The following HMBOX1 variants were observed in gnomAD, a reference collection of about 807,000 sequenced individuals.
The protein encoded by HMBOX1 is homeobox-containing protein 1.
In HMBOX1, 14 loss-of-function variants were observed where a neutral mutation model predicts 54.5. That is an observed-to-expected ratio of 0.26 (90% CI 0.17 to 0.40). The LOEUF (loss-of-function observed/expected upper bound fraction) is 0.40. Among genes scored for constraint, HMBOX1 ranks in the 10% least tolerant of loss-of-function variants. The pLI is 1.00. For missense variants in HMBOX1, 332 were observed against 514.4 expected, an observed-to-expected ratio of 0.65 and a Z score of 3.43; for synonymous variants, 160 against 181.0, an observed-to-expected ratio of 0.88 and a Z score of 0.93.
intron 1 of HMBOX1, among the ~76,000 whole-genome samples, chr8:28,921,277 G>C (rs1279479185): frequency 6.6e-6 from 1 of 152,136 alleles, no homozygotes; most frequent in South Asian, 2.1e-4. Flanking sequence ...CAGAGGTTGC[G>C]GTGAGCTGAG....
chr8:28,929,338 T>C (rs1819073706), intron 1 of HMBOX1, among the ~76,000 whole-genome samples: 1 of 152,152 alleles, frequency 6.6e-6, no homozygotes, highest in South Asian at 2.1e-4. Context: ...TCTTGTTGGC[T>C]CTGTAAAGAA....
At chr8:28,967,445 T>C (rs1826620416) in intron 2 of HMBOX1, among the ~76,000 whole-genome samples, 1 of 152,246 alleles carries the variant, frequency 6.6e-6, no homozygotes, top group Admixed American at 6.5e-5. Context: ...TACTTTTCAG[T>C]AATAAGTGAA....
At chr8:29,033,305 C>A (rs1159898100) in intron 6 of HMBOX1, among the ~76,000 whole-genome samples, 1 of 152,202 alleles carries the variant, frequency 6.6e-6, no homozygotes, top group Non-Finnish European at 1.5e-5. Flanking sequence ...CTCTTTTATA[C>A]TCCTTATGGA....
intron 1 of HMBOX1, among the ~76,000 whole-genome samples, chr8:28,931,623 CCT>C (rs1456003510): frequency 2.2e-4 from 34 of 152,126 alleles, no homozygotes; most frequent in African/African-American, 8.2e-4. Flanking sequence ...CTCACTGCAG[CCT>C]CTACCTCCCA....
intron 1 of HMBOX1, among the ~76,000 whole-genome samples, chr8:28,925,806 A>C (rs1292619274): frequency 6.6e-6 from 1 of 152,176 alleles, no homozygotes; most frequent in East Asian, 1.9e-4. Context: ...TGTATTAAAA[A>C]TAATATAAAA....
At chr8:28,916,609 T>G (rs1447718930) in intron 1 of HMBOX1, among the ~76,000 whole-genome samples, 1 of 152,222 alleles carries the variant, frequency 6.6e-6, no homozygotes, top group Non-Finnish European at 1.5e-5. Flanking sequence ...TGTCAAATAT[T>G]AATTGACCAT....
intron 1 of HMBOX1, among the ~76,000 whole-genome samples, chr8:28,946,581 AAT>A (rs1491078423): frequency 4.0e-5 from 6 of 150,852 alleles, no homozygotes; most frequent in Middle Eastern, 3.4e-3. Flanking sequence ...AAAAAAAAAA[AAT>A]ATATACAATT....
chr8:28,959,822 C>G (rs1227095407), intron 1 of HMBOX1, among the ~76,000 whole-genome samples: 1 of 151,964 alleles, frequency 6.6e-6, no homozygotes, highest in Non-Finnish European at 1.5e-5. Context: ...CTTTATTTTA[C>G]TCTATTTGGT....
intron 1 of HMBOX1, among the ~76,000 whole-genome samples, chr8:28,902,214 C>T (rs1813362036): frequency 6.6e-6 from 1 of 152,052 alleles, no homozygotes; most frequent in African/African-American, 2.4e-5. Flanking sequence ...AGATAGTGAA[C>T]CTAAAATTTC....
chr8:28,962,388 A>G (rs1265608482), intron 1 of HMBOX1, among the ~76,000 whole-genome samples: 1 of 152,196 alleles, frequency 6.6e-6, no homozygotes, highest in African/African-American at 2.4e-5. Flanking sequence ...ATAACTTCCT[A>G]GCATGGAAGT....
chr8:29,023,948 C>T (rs1261498500), intron 6 of HMBOX1, among the ~76,000 whole-genome samples: 1 of 152,152 alleles, frequency 6.6e-6, no homozygotes, highest in East Asian at 1.9e-4. Context: ...CCAAGTGATT[C>T]TGAAGTGTAG....
Position 29,051,086 on chromosome 8 carries a change from C to T in HMBOX1, c.1194C>T (p.Asn398=). The T allele has an allele frequency of 1.9e-6, 3 of 1,613,648 alleles. No homozygotes were observed. Among genetic ancestry groups the T allele is most frequent in the South Asian group, 1.1e-5 (1 of 91,046 alleles). Residue 398 remains asparagine, a synonymous_variant, in exon 10 of 10, where the codon AAC becomes AAT. Transcript: ENST00000287701. ...ISLAVEMAAV[N]HTILALARQG... ...TAGCTGTGGAAATGGCAGCAGTCAA[C>T]CACACTATCTTGGCATTGGCCCGAC...
intron 3 of HMBOX1, among the ~76,000 whole-genome samples, chr8:28,973,788 G>A (rs868794410): frequency 7.3e-6 from 1 of 136,736 alleles, no homozygotes; most frequent in Non-Finnish European, 1.6e-5. Context: ...TAATAATTTC[G>A]AGATACATAA....
chr8:28,996,147 T>A (rs912896955), intron 4 of HMBOX1, among the ~76,000 whole-genome samples: 1 of 152,184 alleles, frequency 6.6e-6, no homozygotes, highest in Non-Finnish European at 1.5e-5. Flanking sequence ...GTTATTCATC[T>A]TCTTATACTT....
intron 1 of HMBOX1, among the ~76,000 whole-genome samples, chr8:28,894,336 C>T (rs1184533438): frequency 6.6e-6 from 1 of 152,122 alleles, no homozygotes; most frequent in Non-Finnish European, 1.5e-5. Flanking sequence ...ATCTATCAGA[C>T]ATGCCTCCCA....
chr8:29,024,423 C>A (rs1230669235), intron 6 of HMBOX1, among the ~76,000 whole-genome samples: 1 of 152,090 alleles, frequency 6.6e-6, no homozygotes, highest in Non-Finnish European at 1.5e-5. Flanking sequence ...TGTTGGCATT[C>A]GGGCCTTATG....
intron 3 of HMBOX1, among the ~76,000 whole-genome samples, chr8:28,977,571 T>TA (rs1397652309): frequency 3.2e-4 from 49 of 152,340 alleles, no homozygotes; most frequent in Non-Finnish European, 2.1e-4. Context: ...TGTTTGACTT[T>TA]AAAATATATT....
chr8:28,938,648 A>C (rs962143341), intron 1 of HMBOX1, among the ~76,000 whole-genome samples: 1 of 150,110 alleles, frequency 6.7e-6, no homozygotes, highest in Admixed American at 6.6e-5. Flanking sequence ...GGGTCTCGCT[A>C]TGTTGCTCCA....
chr8:28,960,437 T>C (rs958058824), intron 1 of HMBOX1, among the ~76,000 whole-genome samples: 8 of 151,968 alleles, frequency 5.3e-5, no homozygotes, highest in Admixed American at 3.3e-4. Flanking sequence ...TTTTACCGTG[T>C]TTGTGATCAA....
Sources: gnomAD v4.1 joint callset for allele counts (sites outside exome capture counted in the v4.1 genomes callset) on GRCh38, gnomAD v4.1.1 for gene constraint, MANE v1.5 for transcripts, NCBI Gene and HGNC (gene_info 2026-07-23, HGNC 2026-07-21) for gene names.